The following NDUFA11 variants were observed in gnomAD, a reference collection of about 807,000 sequenced individuals.
NDUFA11 encodes the protein NADH:ubiquinone oxidoreductase subunit A11, also known as NADH dehydrogenase [ubiquinone] 1 alpha subcomplex subunit 11.
A neutral mutation model predicts 11.3 loss-of-function variants in NDUFA11; 14 were observed. That is an observed-to-expected ratio of 1.24 (90% CI 0.82 to 1.94). NDUFA11 has a LOEUF of 1.94. Among genes scored for constraint, NDUFA11 ranks in the 30% most tolerant of loss-of-function variants. The probability of loss-of-function intolerance (pLI) is 0.00; values close to 1 mark genes in which losing one functional copy is unlikely to be tolerated. For synonymous variants in NDUFA11, 87 were observed against 85.6 expected, an observed-to-expected ratio of 1.02 and a Z score of -0.09; for missense variants, 204 against 200.3, an observed-to-expected ratio of 1.02 and a Z score of -0.11.
At chr19:5,901,385 C>G (rs1397677987) in intron 1 of NDUFA11, 4 of 1,287,138 alleles carry the variant, frequency 3.1e-6, no homozygotes, top group Non-Finnish European at 4.0e-6. Context: ...GGTCAGCCGA[C>G]CTGGACTTGC....
In NDUFA11 at chr19:5,894,833, G is replaced by C; in HGVS notation, c.335C>G (p.Ala112Gly). Residue 112 changes from alanine (A) to glycine (G), a missense_variant, in exon 4 of 4, where the codon GCC becomes GGC. Coordinates refer to ENST00000308961, the MANE Select transcript of NDUFA11 (RefSeq NM_175614.5). ...GARTHNYGIGAAACVYFGIAA... is the reference protein window; with the variant it reads ...GARTHNYGIGGAACVYFGIAA... ...TATGCCAAAGTACACGCAGGCGGCG[G>C]CGCCAATCCCGTAGTTGTGCGCTGT... 1 of 1,611,348 alleles carries C rather than the reference G, an allele frequency of 6.2e-7. No individual in the cohort carries two copies. The highest frequency in any genetic ancestry group is 8.5e-7 in the Non-Finnish European group (1 of 1,178,810).
chr19:5,892,292 TG>T, downstream of NDUFA11: 1 of 153,306 alleles, frequency 6.5e-6, no homozygotes, highest in Non-Finnish European at 1.5e-5. Context: ...CTACCCAGGG[TG>T]GGCCTCAGCG....
downstream of NDUFA11, chr19:5,893,000 G>A (rs1363228329): frequency 6.5e-7 from 1 of 1,529,590 alleles, no homozygotes; most frequent in Admixed American, 2.0e-5. Context: ...GCCCCTCTGG[G>A]TGCGGGGTGG....
chr19:5,903,462 TC>T (rs1180742662), intron 1 of NDUFA11, 149 bp downstream of exon 1: 13 of 692,508 alleles, frequency 1.9e-5, no homozygotes, highest in Admixed American at 5.2e-5. Flanking sequence ...TCACACAAGA[TC>T]CCCCCCTACG....
Position 5,901,339 on chromosome 19 carries a change from T to G in NDUFA11, c.97+2273A>C, listed in dbSNP as rs762592669. On this transcript the variant is annotated intron_variant, in intron 1 of 3. Coordinates refer to ENST00000308961, the MANE Select transcript of NDUFA11 (RefSeq NM_175614.5). ...TTGAAGACCCTCGATAAGGACCTGATGGGAACATTCCTTGCTTCAGAGACC... is the reference window on the plus strand; with the variant it reads ...TTGAAGACCCTCGATAAGGACCTGAGGGGAACATTCCTTGCTTCAGAGACC... The G allele has an allele frequency of 3.7e-5, 48 of 1,286,694 alleles. No individual in the cohort carries two copies. In the African/African-American group the frequency reaches 6.8e-4, roughly 18 times the overall value. 79.7% of individuals were successfully genotyped at this position (1,286,694 alleles called of 1,614,324 possible). A position where few individuals can be genotyped will look rare whatever the true frequency, so the allele number is the denominator to read the frequency against.
chr19:5,898,311 AC>A (rs533660602), intron 1 of NDUFA11, among the ~76,000 whole-genome samples: 5 of 150,728 alleles, frequency 3.3e-5, no homozygotes, highest in East Asian at 3.9e-4. Context: ...CCTGGCAGTG[AC>A]CCCCCCCAAC....
chr19:5,899,204 C>T (rs1405781843), intron 1 of NDUFA11, among the ~76,000 whole-genome samples: 1 of 149,354 alleles, frequency 6.7e-6, no homozygotes, highest in Non-Finnish European at 1.5e-5. Context: ...GGCTGGAGTG[C>T]AGTGGCGCTA....
At chr19:5,900,180 C>T (rs1022536808) in intron 1 of NDUFA11, among the ~76,000 whole-genome samples, 6 of 152,122 alleles carry the variant, frequency 3.9e-5, no homozygotes, top group Admixed American at 6.5e-5. Context: ...GAGCCCCCAG[C>T]GCCCTTCAAA....
chr19:5,892,793 C>T, downstream of NDUFA11: 1 of 1,241,364 alleles, frequency 8.1e-7, no homozygotes, highest in Non-Finnish European at 1.1e-6. Flanking sequence ...GGATGGGATG[C>T]CTGCAGGGAG....
At chr19:5,894,560 G>T, downstream of NDUFA11, 1 of 1,289,482 alleles carries the variant, frequency 7.8e-7, no homozygotes, top group Non-Finnish European at 1.1e-6. Flanking sequence ...GGGACGGCAG[G>T]CGGCAGGCAG....
At chr19:5,899,442 G>A (rs1044124654) in intron 1 of NDUFA11, among the ~76,000 whole-genome samples, 41 of 133,054 alleles carry the variant, frequency 3.1e-4, no homozygotes, top group African/African-American at 9.1e-4. Flanking sequence ...GAGCCACCGC[G>A]CCCGGACTCT....
At chr19:5,899,304 C>T (rs1283047447) in intron 1 of NDUFA11, among the ~76,000 whole-genome samples, 1 of 151,808 alleles carries the variant, frequency 6.6e-6, no homozygotes, top group Non-Finnish European at 1.5e-5. Context: ...CGCCCGCCAC[C>T]ACGCCTGGCT....
At chr19:5,900,921 A>G (rs1450682833) in intron 1 of NDUFA11, among the ~76,000 whole-genome samples, 2 of 151,332 alleles carry the variant, frequency 1.3e-5, no homozygotes, top group Non-Finnish European at 3.0e-5. Context: ...AAAAAAAAAA[A>G]AAAAAAGAAA....
chr19:5,893,942 C>A (rs902804548), downstream of NDUFA11, among the ~76,000 whole-genome samples: 1 of 152,086 alleles, frequency 6.6e-6, no homozygotes, highest in Admixed American at 6.5e-5. The surrounding 1 kb of genome is among the most constrained non-coding windows in gnomAD (Gnocchi z 4.1). Flanking sequence ...GAGCCTGGAG[C>A]GCCCTAATTT....
downstream of NDUFA11, chr19:5,892,769 CGATGCCCGTGAGTGGATGG>C: frequency 1.8e-6 from 2 of 1,084,174 alleles, no homozygotes; most frequent in African/African-American, 3.2e-5. Flanking sequence ...CGAGTGGATG[CGATGCCCGTGAGTGGATGG>C]GATGCCTGCA....
downstream of NDUFA11, chr19:5,893,165 G>C (rs935140556): frequency 2.0e-6 from 3 of 1,536,092 alleles, no homozygotes; most frequent in African/African-American, 4.1e-5. This position sits in a 1 kb window ranked among gnomAD's most constrained non-coding sequence, Gnocchi z 4.1. Context: ...CTGGAAGAAG[G>C]GACCCAGAAT....
chr19:5,900,323 C>T (rs1394391007), intron 1 of NDUFA11, among the ~76,000 whole-genome samples: 1 of 152,222 alleles, frequency 6.6e-6, no homozygotes, highest in Non-Finnish European at 1.5e-5. Context: ...TTACCGAGTA[C>T]CTAACAAGGT....
rs755315020 is a variant in NDUFA11 at position 5,896,082 on chromosome 19, C to T, written c.313+371G>A. On this transcript the variant is annotated intron_variant, in intron 3 of 3. Transcript: ENST00000308961. This position sits in a 1 kb window ranked among gnomAD's most constrained non-coding sequence, Gnocchi z 5.8. The stretch of plus-strand genomic sequence containing the variant: ...GAAGGAAGGCGGCACAGAGCGAGGG[C>T]GGCGGGGATGCTGGCTTGTACACAG... The T allele has an allele frequency of 2.2e-4, 99 of 451,860 alleles. 1 individual carries two copies. The highest frequency in any genetic ancestry group is 5.6e-4 in the Middle Eastern group (1 of 1,770). The allele number at this position is 451,860 out of a possible 1,614,324, so 28.0% of individuals were successfully genotyped here.
chr19:5,893,580 C>A (rs373287642), downstream of NDUFA11, among the ~76,000 whole-genome samples: 12 of 152,232 alleles, frequency 7.9e-5, no homozygotes, highest in South Asian at 1.0e-3. This position sits in a 1 kb window ranked among gnomAD's most constrained non-coding sequence, Gnocchi z 4.1. Context: ...AGATTACAGG[C>A]TCAAACCACC....
Sources: gnomAD v4.1 joint callset for allele counts (sites outside exome capture counted in the v4.1 genomes callset) on GRCh38, gnomAD v4.1.1 for gene constraint, Gnocchi (gnomAD v3.1) non-coding constraint, MANE v1.5 for transcripts, NCBI Gene and HGNC (gene_info 2026-07-23, HGNC 2026-07-21) for gene names.